The following CHD1L variants were observed in gnomAD, a reference collection of about 807,000 sequenced individuals.
CHD1L encodes chromodomain helicase DNA binding protein 1 like, also known as ATP-dependent chromatin remodeler CHD1L.
Under a neutral mutation model 115.9 loss-of-function variants are expected in CHD1L, and 118 were observed. The observed-to-expected ratio is 1.02, with a 90% CI of 0.88 to 1.19. The LOEUF (loss-of-function observed/expected upper bound fraction) is 1.19, where lower values mean the gene tolerates loss of function less well. CHD1L is among the 50% of genes most tolerant of loss of function. The probability of loss-of-function intolerance (pLI) is 0.00; values close to 1 mark genes in which losing one functional copy is unlikely to be tolerated. For synonymous variants in CHD1L, 411 were observed against 387.1 expected (o/e 1.06, Z -0.72); for missense variants, 1,179 against 1,065.3 (o/e 1.11, Z -1.49).
At chr1:147,233,880 C>T in the CHD1L span, among the ~76,000 whole-genome samples, 1 of 151,914 alleles carries the variant, frequency 6.6e-6, no homozygotes, top group Non-Finnish European at 1.5e-5. Flanking sequence ...CTTTGTTAAA[C>T]AGAAGCTTGA....
At chr1:147,256,776 T>A (rs1670300721) in intron 5 of CHD1L, among the ~76,000 whole-genome samples, 1 of 152,220 alleles carries the variant, frequency 6.6e-6, no homozygotes, top group Non-Finnish European at 1.5e-5. Flanking sequence ...TCCATGAACT[T>A]CAGCTTCTTC....
chr1:147,241,844 G>A (rs587667725), upstream of CHD1L, among the ~76,000 whole-genome samples: 5 of 152,092 alleles, frequency 3.3e-5, no homozygotes, highest in South Asian at 2.1e-4. Flanking sequence ...GAATAATATC[G>A]TTCCTGTTCC....
At chr1:147,172,992 T>C in the CHD1L span, 2 of 152,416 alleles carry the variant, frequency 1.3e-5, no homozygotes, top group African/African-American at 2.4e-5. Flanking sequence ...AAGGAAGCAG[T>C]GGTCATTGCT....
At chr1:147,206,222 A>G in the CHD1L span, among the ~76,000 whole-genome samples, 2 of 150,960 alleles carry the variant, frequency 1.3e-5, no homozygotes, top group African/African-American at 4.9e-5. Context: ...ATGAGTTACC[A>G]TCTCACACCA....
At chr1:147,263,604 T>C (rs1559779955) in intron 6 of CHD1L, among the ~76,000 whole-genome samples, 1 of 152,156 alleles carries the variant, frequency 6.6e-6, no homozygotes. Context: ...TCTCTTACTC[T>C]TGGTGTTCTT....
At chr1:147,238,170 A>G (rs1664646337), upstream of CHD1L, among the ~76,000 whole-genome samples, 1 of 152,232 alleles carries the variant, frequency 6.6e-6, no homozygotes, top group Admixed American at 6.5e-5. Context: ...AGAAAACCCA[A>G]GTTAAGTGTT....
At chr1:147,185,303 G>A in the CHD1L span, among the ~76,000 whole-genome samples, 1 of 151,818 alleles carries the variant, frequency 6.6e-6, no homozygotes, top group Non-Finnish European at 1.5e-5. Context: ...ATTATCAAAG[G>A]GCTGTTAATT....
Position 147,242,759 on chromosome 1 carries a change from G to T in CHD1L, c.56G>T (p.Arg19Leu). ...GGCCAAGCCCCTGGCTTCTTACTGCGGCTTCATACTGAGGGCCGAGCCGAG... is the reference window on the plus strand; with the variant it reads ...GGCCAAGCCCCTGGCTTCTTACTGCTGCTTCATACTGAGGGCCGAGCCGAG... ...RGGQAPGFLL[R>L]LHTEGRAEAA... Residue 19 changes from arginine to leucine, a missense_variant, in exon 1 of 23, where the codon CGG becomes CTG. By Grantham distance (102) the Arg-to-Leu change is moderately radical. Transcript: ENST00000369258. 1.6e-6 allele frequency: 2 copies of T among 1,267,466 alleles called. No individual in the cohort carries two copies. The highest frequency in any genetic ancestry group is 1.0e-6 in the Non-Finnish European group (1 of 999,280). The allele number at this position is 1,267,466 out of a possible 1,614,324, so 78.5% of individuals were successfully genotyped here.
chr1:147,195,553 T>C, the CHD1L span, among the ~76,000 whole-genome samples: 1 of 152,152 alleles, frequency 6.6e-6, no homozygotes, highest in East Asian at 1.9e-4. Flanking sequence ...ATACCTAATA[T>C]TAACTGATAA....
At chr1:147,237,581 T>C in the CHD1L span, among the ~76,000 whole-genome samples, 1 of 152,042 alleles carries the variant, frequency 6.6e-6, no homozygotes, top group African/African-American at 2.4e-5. Flanking sequence ...TGTTCCTGGT[T>C]CCCCCAGCTC....
chr1:147,200,007 G>T, the CHD1L span, among the ~76,000 whole-genome samples: 1 of 152,026 alleles, frequency 6.6e-6, no homozygotes, highest in Non-Finnish European at 1.5e-5. Context: ...ACATCATCTT[G>T]TTTCTCTCTA....
the CHD1L span, among the ~76,000 whole-genome samples, chr1:147,174,253 T>C: frequency 4.1e-3 from 632 of 152,330 alleles, 17 homozygotes; most frequent in Admixed American, 0.033. Flanking sequence ...GCTTTTTGGT[T>C]ATCCCTACTT....
the CHD1L span, among the ~76,000 whole-genome samples, chr1:147,192,143 G>A: frequency 0.037 from 5,595 of 152,144 alleles, 154 homozygotes; most frequent in South Asian, 0.095. Flanking sequence ...CTACCCATGA[G>A]CATGGAATGT....
At chr1:147,270,012 G>T (rs1553951679) in intron 10 of CHD1L, among the ~76,000 whole-genome samples, 2 of 152,104 alleles carry the variant, frequency 1.3e-5, no homozygotes, top group Non-Finnish European at 2.9e-5. Context: ...TTATTTCACA[G>T]ACCCAGAAAG....
the CHD1L span, among the ~76,000 whole-genome samples, chr1:147,196,461 T>G: frequency 6.6e-6 from 1 of 151,948 alleles, no homozygotes; most frequent in African/African-American, 2.4e-5. Flanking sequence ...ATTTCTTGAT[T>G]GTGGGAGACA....
At chr1:147,178,536 T>A in the CHD1L span, 1 of 1,611,388 alleles carries the variant, frequency 6.2e-7, no homozygotes, top group African/African-American at 1.3e-5. Flanking sequence ...CTCTCAGGAC[T>A]GAGGAAGAAT....
the CHD1L span, among the ~76,000 whole-genome samples, chr1:147,190,562 G>C: frequency 6.6e-6 from 1 of 152,098 alleles, no homozygotes; most frequent in African/African-American, 2.4e-5. Context: ...GGACTTAAAG[G>C]TATATGGAAA....
rs183082311 is a variant in CHD1L at position 147,283,650 on chromosome 1, A to G, written c.1706-701A>G. Reference sequence around the variant, plus strand: ...ATGAAGTGCTATTCAAGATGACACTATTGTCTTCATTGTTATTATTACCAC... The same window carrying G: ...ATGAAGTGCTATTCAAGATGACACTGTTGTCTTCATTGTTATTATTACCAC... On this transcript the variant is annotated intron_variant, in intron 15 of 22. Coordinates refer to ENST00000369258, the MANE Select transcript of CHD1L (RefSeq NM_004284.6). Among the ~76,000 whole-genome samples the G allele has an allele frequency of 1.4e-4, 22 of 152,292 alleles. 1 individual carries two copies. Among genetic ancestry groups the G allele is most frequent in the South Asian group, 8.3e-4 (4 of 4,826 alleles).
the CHD1L span, chr1:147,204,708 T>C: frequency 1.3e-6 from 2 of 1,534,350 alleles, no homozygotes; most frequent in East Asian, 2.2e-5. Context: ...GTACTTCTAG[T>C]TCTCTTAAAA....
Sources: allele counts gnomAD v4.1 joint callset (sites outside exome capture counted in the v4.1 genomes callset), GRCh38; gene constraint gnomAD v4.1.1; transcripts MANE v1.5; gene names NCBI Gene and HGNC (gene_info 2026-07-23, HGNC 2026-07-21).